VEZT: variants seen among roughly 807,000 people sequenced by gnomAD.
VEZT encodes the protein vezatin, adherens junctions transmembrane protein, also known as vezatin.
A neutral mutation model predicts 79.9 loss-of-function variants in VEZT; 39 were observed. The observed-to-expected ratio is 0.49, with a 90% CI of 0.38 to 0.64. The LOEUF (loss-of-function observed/expected upper bound fraction) is 0.64, where lower values mean the gene tolerates loss of function less well. VEZT is among the 30% of genes least tolerant of loss of function. The pLI, the probability that VEZT is intolerant of heterozygous loss-of-function variation, is 0.00. For missense variants in VEZT, 837 were observed against 893.1 expected (o/e 0.94, Z 0.80); for synonymous variants, 325 against 327.6 (o/e 0.99, Z 0.09).
intron 2 of VEZT, among the ~76,000 whole-genome samples, chr12:95,252,875 G>C (rs949256405): frequency 3.3e-5 from 5 of 152,202 alleles, no homozygotes; most frequent in African/African-American, 1.2e-4. Flanking sequence ...TGAGGCAGGA[G>C]AATCGCTTGA....
intron 2 of VEZT, among the ~76,000 whole-genome samples, chr12:95,252,691 G>A (rs139583032): frequency 8.6e-4 from 131 of 152,228 alleles, no homozygotes; most frequent in African/African-American, 2.5e-3. Context: ...TGGGCCAGGC[G>A]CGGTGGCTCA....
In VEZT at chr12:95,300,596, A is replaced by C. The variant is rs750695213; in HGVS notation, c.2263A>C (p.Met755Leu). Residue 755 changes from methionine (M) to leucine (L), a missense_variant, in exon 12 of 12, where the codon ATG becomes CTG. Physicochemically the swap from Met to Leu is conservative, Grantham distance 15. Coordinates refer to ENST00000436874, the MANE Select transcript of VEZT (RefSeq NM_017599.4). Reference sequence around the variant, plus strand: ...TGCTAGATCTCTCTCCTTTACCACCATGCAGGAACAGACTTTTGGTGGTGA... The same window carrying C: ...TGCTAGATCTCTCTCCTTTACCACCCTGCAGGAACAGACTTTTGGTGGTGA... ...VAARSLSFTT[M>L]QEQTFGGEEE... 1.2e-6 allele frequency: 2 copies of C among 1,613,466 alleles called. No homozygotes were observed. Among genetic ancestry groups the C allele is most frequent in the Admixed American group, 3.3e-5 (2 of 59,980 alleles).
intron 4 of VEZT, among the ~76,000 whole-genome samples, chr12:95,263,385 C>T (rs1186121093): frequency 3.3e-5 from 5 of 152,212 alleles, no homozygotes; most frequent in Non-Finnish European, 7.3e-5. Flanking sequence ...TGCAGTGGCT[C>T]ATGCCTGTAA....
chr12:95,253,566 C>T (rs1161570240), intron 2 of VEZT, among the ~76,000 whole-genome samples: 1 of 152,150 alleles, frequency 6.6e-6, no homozygotes, highest in Admixed American at 6.5e-5. Flanking sequence ...TACTTGGCAA[C>T]ACAAAACAAA....
chr12:95,291,752 A>G (rs1415601215), intron 9 of VEZT, among the ~76,000 whole-genome samples: 1 of 152,210 alleles, frequency 6.6e-6, no homozygotes. Context: ...CAAGCATGTA[A>G]TTAAAAATCT....
rs557563873 is a variant in VEZT at position 95,225,202 on chromosome 12, C to T, written c.36+7316C>T. ...AGGGAATTAATGGTTAGATTATCAT[C>T]GGAAGGCCTACAGGATCAAGCTCTA... is the stretch of plus-strand genomic sequence containing the variant. On this transcript the variant is annotated intron_variant, in intron 1 of 11. Coordinates refer to ENST00000436874, the MANE Select transcript of VEZT (RefSeq NM_017599.4). Among the ~76,000 whole-genome samples, 9 of 152,266 alleles carry T rather than the reference C, an allele frequency of 5.9e-5. No individual in the cohort carries two copies. In the East Asian group the frequency reaches 1.4e-3, roughly 23 times the overall value.
At chr12:95,295,452 G>A (rs539368472) in intron 10 of VEZT, among the ~76,000 whole-genome samples, 26 of 152,298 alleles carry the variant, frequency 1.7e-4, no homozygotes, top group African/African-American at 2.9e-4. Flanking sequence ...GAGCCACCGC[G>A]CCCGGCTGGT....
chr12:95,286,776 CT>C, intron 8 of VEZT: 2 of 461,634 alleles, frequency 4.3e-6, no homozygotes, highest in Non-Finnish European at 8.7e-6. Context: ...GCCTCTTCAA[CT>C]TTTTTACTTT....
intron 1 of VEZT, among the ~76,000 whole-genome samples, chr12:95,245,282 G>GT (rs2061571118): frequency 6.6e-6 from 1 of 152,038 alleles, no homozygotes; most frequent in Non-Finnish European, 1.5e-5. Context: ...TCAGAGTGTC[G>GT]TGAGTTTTGT....
chr12:95,256,637 T>C, intron 2 of VEZT: 1 of 1,280,374 alleles, frequency 7.8e-7, no homozygotes, highest in Non-Finnish European at 1.0e-6. Flanking sequence ...ATTGAATTTT[T>C]GGTTGATTCA....
intron 6 of VEZT, among the ~76,000 whole-genome samples, chr12:95,271,766 A>T (rs1032753988): frequency 9.2e-5 from 14 of 152,162 alleles, no homozygotes; most frequent in African/African-American, 2.9e-4. Flanking sequence ...CCTATCAAAG[A>T]CTACAGACTG....
chr12:95,244,050 C>G (rs1356727867), intron 1 of VEZT: 1 of 445,776 alleles, frequency 2.2e-6, no homozygotes, highest in East Asian at 7.0e-5. Flanking sequence ...GTCAAGTATT[C>G]TGTTATAGCA....
intron 3 of VEZT, among the ~76,000 whole-genome samples, chr12:95,259,654 T>C (rs749556252): frequency 2.0e-5 from 3 of 152,204 alleles, no homozygotes; most frequent in Non-Finnish European, 2.9e-5. Flanking sequence ...CCCAGGAGCA[T>C]AGAGCCTCCA....
chr12:95,242,754 T>C (rs904579136), intron 1 of VEZT, among the ~76,000 whole-genome samples: 3 of 151,804 alleles, frequency 2.0e-5, no homozygotes, highest in African/African-American at 7.2e-5. Context: ...GCTCCTGTAA[T>C]CCCAGCTACT....
chr12:95,218,964 G>A (rs1369572884), intron 1 of VEZT, among the ~76,000 whole-genome samples: 3 of 152,204 alleles, frequency 2.0e-5, no homozygotes, highest in Admixed American at 2.0e-4. Flanking sequence ...GGTGTGGAGG[G>A]TGGCTATGTA....
In VEZT at chr12:95,225,780, AAAAAAAAAAAAAAG is replaced by A. The variant is rs1169201517; in HGVS notation, c.36+7896_36+7909del. ...TCATAGCAAAAAAAAAAAAAAAAAAAAAAAAAAAAAAAAGAGAGAGAAGGATGGAGGGAAGAGAA... is the reference window on the plus strand; with the variant it reads ...TCATAGCAAAAAAAAAAAAAAAAAAAAGAGAGAAGGATGGAGGGAAGAGAA... On this transcript the variant is annotated intron_variant, in intron 1 of 11. Coordinates refer to ENST00000436874, the MANE Select transcript of VEZT (RefSeq NM_017599.4). Among the ~76,000 whole-genome samples, 201 of 121,404 alleles carry A rather than the reference AAAAAAAAAAAAAAG, an allele frequency of 1.7e-3. 3 individuals carry two copies. Among genetic ancestry groups the A allele is most frequent in the African/African-American group, 4.7e-3 (144 of 30,670 alleles). 79.6% of individuals were successfully genotyped at this position (121,404 alleles called of 152,430 possible).
intron 6 of VEZT, among the ~76,000 whole-genome samples, chr12:95,272,426 T>A (rs2138852180): frequency 6.6e-6 from 1 of 152,280 alleles, no homozygotes; most frequent in Middle Eastern, 3.4e-3. Context: ...GAATTTAGCA[T>A]GATTGGAGTA....
chr12:95,280,238 C>G (rs932956669), intron 7 of VEZT, among the ~76,000 whole-genome samples: 1 of 152,128 alleles, frequency 6.6e-6, no homozygotes, highest in Non-Finnish European at 1.5e-5. Flanking sequence ...CAGTGGCTCC[C>G]CATTGCTTAC....
chr12:95,290,952 A>G (rs751128624), intron 9 of VEZT, among the ~76,000 whole-genome samples: 2 of 152,154 alleles, frequency 1.3e-5, no homozygotes, highest in African/African-American at 2.4e-5. Flanking sequence ...ATCTCCAGTT[A>G]ATAAAGTTTC....
Sources: allele counts gnomAD v4.1 joint callset (sites outside exome capture counted in the v4.1 genomes callset), GRCh38; gene constraint gnomAD v4.1.1; transcripts MANE v1.5; gene names NCBI Gene and HGNC (gene_info 2026-07-23, HGNC 2026-07-21).